Variants in RGS7 observed in about 807,000 individuals in gnomAD.
RGS7 encodes the protein regulator of G-protein signaling 7.
In RGS7, 27 loss-of-function variants were observed where a neutral mutation model predicts 81.1. The observed-to-expected ratio is 0.33, with a 90% CI of 0.25 to 0.46. The LOEUF is 0.46. RGS7 is among the 20% of genes least tolerant of loss of function. The pLI is 1.00. For synonymous variants in RGS7, 208 were observed against 207.7 expected, an observed-to-expected ratio of 1.00 and a Z score of -0.01; for missense variants, 396 against 607.4, an observed-to-expected ratio of 0.65 and a Z score of 3.66.
intron 3 of RGS7, among the ~76,000 whole-genome samples, chr1:241,077,396 G>A (rs1020701653): frequency 1.3e-5 from 2 of 152,154 alleles, no homozygotes; most frequent in Non-Finnish European, 1.5e-5. Flanking sequence ...TTAATAATAA[G>A]TCTCCAAATC....
intron 3 of RGS7, among the ~76,000 whole-genome samples, chr1:241,083,095 C>T (rs545413174): frequency 6.6e-6 from 1 of 151,772 alleles, no homozygotes; most frequent in Non-Finnish European, 1.5e-5. Context: ...TGTGGTGGTA[C>T]CTGCTTGTAA....
chr1:241,260,783 T>G (rs2077289144), intron 2 of RGS7, among the ~76,000 whole-genome samples: 2 of 152,124 alleles, frequency 1.3e-5, no homozygotes, highest in African/African-American at 4.8e-5. Flanking sequence ...ATCCATCCTT[T>G]GTCTCATTCT....
intron 6 of RGS7, among the ~76,000 whole-genome samples, chr1:240,917,936 A>T (rs1445625778): frequency 1.3e-5 from 2 of 152,196 alleles, no homozygotes; most frequent in Non-Finnish European, 2.9e-5. Context: ...GCTAAAACTA[A>T]TCAAAATAAA....
At chr1:240,786,911 A>G (rs868395249) in intron 18 of RGS7, among the ~76,000 whole-genome samples, 5 of 151,756 alleles carry the variant, frequency 3.3e-5, no homozygotes, top group African/African-American at 1.2e-4. Context: ...AATATTTTTT[A>G]TATGTGGGAA....
intron 13 of RGS7, 149 bp downstream of exon 13, chr1:240,813,469 C>A: frequency 1.5e-6 from 1 of 671,232 alleles, no homozygotes; most frequent in Non-Finnish European, 2.8e-6. Context: ...TTTCAAAAGC[C>A]ATGATCTCGA....
At chr1:241,229,824 C>G (rs549725492) in intron 2 of RGS7, among the ~76,000 whole-genome samples, 2 of 152,330 alleles carry the variant, frequency 1.3e-5, no homozygotes, top group African/African-American at 4.8e-5. Flanking sequence ...AAATCTTGAA[C>G]ATTCATAAAA....
At chr1:241,064,882 C>G (rs180703554) in intron 3 of RGS7, among the ~76,000 whole-genome samples, 1 of 152,076 alleles carries the variant, frequency 6.6e-6, no homozygotes, top group Non-Finnish European at 1.5e-5. Context: ...AGAAACACCT[C>G]CACATTCATG....
intron 2 of RGS7, among the ~76,000 whole-genome samples, chr1:241,338,492 A>G (rs1291837488): frequency 6.6e-6 from 1 of 152,150 alleles, no homozygotes; most frequent in Non-Finnish European, 1.5e-5. Flanking sequence ...TTTCCAGGGT[A>G]AGAAAATAAG....
Position 241,337,793 on chromosome 1 carries a change from G to A in RGS7, c.78+17906C>T, listed in dbSNP as rs575992853. 5.7e-4 allele frequency among the ~76,000 whole-genome samples: 87 copies of A among 152,184 alleles called. 1 individual carries two copies. Among genetic ancestry groups the A allele is most frequent in the Non-Finnish European group, 9.1e-4 (62 of 68,016 alleles). On this transcript the variant is annotated intron_variant, in intron 2 of 18. Coordinates refer to ENST00000440928, the MANE Select transcript of RGS7 (RefSeq NM_001364886.1). Reference sequence around the variant, plus strand: ...ATAACTCAGGCAACTCAGTACTTCCGTACATACTCTTCCACCAACCTACCT... The same window carrying A: ...ATAACTCAGGCAACTCAGTACTTCCATACATACTCTTCCACCAACCTACCT...
chr1:241,089,049 CTCTCTCTCTCTCTCTATA>C (rs1411985145), intron 3 of RGS7, among the ~76,000 whole-genome samples: 2 of 53,480 alleles, frequency 3.7e-5, no homozygotes, highest in Non-Finnish European at 7.0e-5. Flanking sequence ...CTCTCTCTCT[CTCTCTCTCTCTCTCTATA>C]TATATATATA....
At chr1:240,996,789 A>T (rs1208332691) in intron 3 of RGS7, among the ~76,000 whole-genome samples, 1 of 152,092 alleles carries the variant, frequency 6.6e-6, no homozygotes, top group African/African-American at 2.4e-5. Flanking sequence ...TTAAGTAATT[A>T]CTTGTATTAA....
At chr1:240,981,100 T>C (rs1164160156) in intron 4 of RGS7, among the ~76,000 whole-genome samples, 3 of 151,848 alleles carry the variant, frequency 2.0e-5, no homozygotes. Context: ...ACCTTCAGGT[T>C]TTTTTTGTTT....
intron 2 of RGS7, among the ~76,000 whole-genome samples, chr1:241,261,628 CAAAAAAAAA>C: frequency 1.6e-5 from 1 of 61,772 alleles, no homozygotes; most frequent in South Asian, 5.7e-4. Flanking sequence ...GACTCTGTCT[CAAAAAAAAA>C]AAAAAAAAAA....
chr1:240,997,732 G>A (rs1687510259), intron 3 of RGS7, among the ~76,000 whole-genome samples: 1 of 152,218 alleles, frequency 6.6e-6, no homozygotes, highest in Non-Finnish European at 1.5e-5. Flanking sequence ...GCTGAGGCAG[G>A]AGAATCACGT....
chr1:241,339,907 GA>G (rs1181008875), intron 2 of RGS7, among the ~76,000 whole-genome samples: 1 of 152,088 alleles, frequency 6.6e-6, no homozygotes, highest in East Asian at 1.9e-4. Context: ...GAAAAAGAGG[GA>G]AAAAATACCA....
intron 2 of RGS7, chr1:241,305,778 C>T (rs778704468): frequency 1.2e-4 from 31 of 253,562 alleles, no homozygotes; most frequent in Non-Finnish European, 1.7e-4. Context: ...ATGTCTTGCG[C>T]GATTTTGGTG....
intron 3 of RGS7, among the ~76,000 whole-genome samples, chr1:241,059,694 T>C (rs543898079): frequency 6.6e-6 from 1 of 151,648 alleles, no homozygotes; most frequent in Non-Finnish European, 1.5e-5. Context: ...CCTGATTCTG[T>C]GTCTCTCTCT....
At chr1:240,785,098 AG>A (rs1228378415) in intron 18 of RGS7, among the ~76,000 whole-genome samples, 1 of 152,196 alleles carries the variant, frequency 6.6e-6, no homozygotes, top group African/African-American at 2.4e-5. Context: ...GTCTAAACTA[AG>A]GGATGCTAGA....
chr1:241,270,339 T>G (rs939797951), intron 2 of RGS7, among the ~76,000 whole-genome samples: 1 of 152,164 alleles, frequency 6.6e-6, no homozygotes, highest in Non-Finnish European at 1.5e-5. Flanking sequence ...TATTTTAAAA[T>G]TGGACCCAAG....
Sources: gnomAD v4.1 joint callset for allele counts (sites outside exome capture counted in the v4.1 genomes callset) on GRCh38, gnomAD v4.1.1 for gene constraint, MANE v1.5 for transcripts, NCBI Gene and HGNC (gene_info 2026-07-23, HGNC 2026-07-21) for gene names.